The following ERMP1 variants were observed in gnomAD, a reference collection of about 807,000 sequenced individuals.
ERMP1 encodes the protein Felix-ina.
ERMP1 carries 86 observed loss-of-function variants against 92.0 expected under a neutral mutation model. That is an observed-to-expected ratio of 0.93 (90% CI 0.79 to 1.12). The LOEUF is 1.12. Among genes scored for constraint, ERMP1 ranks in the 50% most tolerant of loss-of-function variants. The pLI, the probability that ERMP1 is intolerant of heterozygous loss-of-function variation, is 0.00. For synonymous variants in ERMP1, 530 were observed against 412.8 expected, an observed-to-expected ratio of 1.28 and a Z score of -3.44; for missense variants, 1,342 against 1,116.3, an observed-to-expected ratio of 1.20 and a Z score of -2.88.
Position 5,786,790 on chromosome 9 carries a change from C to G in ERMP1, c.*354G>C, listed in dbSNP as rs1207559896. The G allele has an allele frequency of 5.8e-6, 1 of 171,908 alleles. No individual in the cohort carries two copies. Among genetic ancestry groups the G allele is most frequent in the Non-Finnish European group, 1.3e-5 (1 of 79,808 alleles). 10.6% of individuals were successfully genotyped at this position (171,908 alleles called of 1,614,324 possible). A position where few individuals can be genotyped will look rare whatever the true frequency, so the allele number is the denominator to read the frequency against. On this transcript the variant is annotated 3_prime_UTR_variant, in exon 15 of 15. Transcript: ENST00000339450. ...CTTAAATTGGAAACAACTTTTGTCTCATTAACAATGCTCTGACAGTGTACA... is the reference window on the plus strand; with the variant it reads ...CTTAAATTGGAAACAACTTTTGTCTGATTAACAATGCTCTGACAGTGTACA...
upstream of ERMP1, chr9:5,833,121 G>A (rs1830028762): frequency 1.7e-6 from 2 of 1,161,170 alleles, no homozygotes; most frequent in East Asian, 3.1e-5. Flanking sequence ...GCCTCCTAGT[G>A]AGCGGACGGA....
intron 11 of ERMP1, 116 bp downstream of exon 11, chr9:5,801,060 T>C (rs774655102): frequency 4.8e-6 from 5 of 1,039,476 alleles, no homozygotes; most frequent in South Asian, 3.5e-5. Flanking sequence ...AAAAGGTGAG[T>C]ATGACTAAAT....
chr9:5,865,058 G>A (rs1271531733), intron 5 of ERMP1, among the ~76,000 whole-genome samples: 3 of 152,024 alleles, frequency 2.0e-5, no homozygotes, highest in Admixed American at 6.6e-5. Context: ...TTAGAAATGC[G>A]GTAGTAAATT....
In ERMP1 at chr9:5,832,892, C is replaced by T; in HGVS notation, c.136G>A (p.Gly46Ser). Residue 46 changes from glycine to serine, a missense_variant, in exon 1 of 15, where the codon GGC becomes AGC. Coordinates refer to ENST00000339450, the MANE Select transcript of ERMP1 (RefSeq NM_024896.3). ...GGGCTCCTCTTCCGCGTCCTCCCGC[C>T]GCCGCTGCACCCATCCACCAGAGGC... ...QEPLVDGCSG[G>S]GRTRKRSPGG... 4 of 1,542,642 alleles carry T rather than the reference C, an allele frequency of 2.6e-6. No homozygotes were observed. The highest frequency in any genetic ancestry group is 3.5e-6 in the Non-Finnish European group (4 of 1,155,116).
In ERMP1 at chr9:5,787,028, T is replaced by A; in HGVS notation, c.*116A>T. ...AAAAGCGTTAACCCAGAAAGCTCTT[T>A]GAACATATGATCATTAAAATTCATT... On this transcript the variant is annotated 3_prime_UTR_variant, in exon 15 of 15. Transcript: ENST00000339450. 1 of 1,096,910 alleles carries A rather than the reference T, an allele frequency of 9.1e-7. No homozygotes were observed. The highest frequency in any genetic ancestry group is 1.3e-6 in the Non-Finnish European group (1 of 775,672). 67.9% of individuals were successfully genotyped at this position (1,096,910 alleles called of 1,614,324 possible).
chr9:5,814,043 G>A (rs1357013566), intron 4 of ERMP1, among the ~76,000 whole-genome samples: 1 of 152,072 alleles, frequency 6.6e-6, no homozygotes, highest in African/African-American at 2.4e-5. Flanking sequence ...TGCAGGCGTG[G>A]CTACATGACT....
In ERMP1 at chr9:5,811,203, T is replaced by G. The variant is rs532414900; in HGVS notation, c.1235A>C (p.Tyr412Ser). Reference sequence around the variant, plus strand: ...TATGATTGAGCCAATACGAGAGGGGTAGGCAATGACAAACAGGCCCAGCAC... The same window carrying G: ...TATGATTGAGCCAATACGAGAGGGGGAGGCAATGACAAACAGGCCCAGCAC... ...FDVLGLFVIAYPSRIGSIINY... is the reference protein window; with the variant it reads ...FDVLGLFVIASPSRIGSIINY... The change falls in exon 7 of 15, where the codon TAC (tyrosine) becomes TCC (serine). Residue 412 changes from tyrosine (Y) to serine (S), a missense_variant. By Grantham distance (144) the Tyr-to-Ser change is moderately radical. Transcript: ENST00000339450. 4 of 1,613,432 alleles carry G rather than the reference T, an allele frequency of 2.5e-6. No homozygotes were observed. Among genetic ancestry groups the G allele is most frequent in the Non-Finnish European group, 3.4e-6 (4 of 1,179,884 alleles).
upstream of ERMP1, among the ~76,000 whole-genome samples, chr9:5,834,450 AT>A (rs1254909757): frequency 1.3e-5 from 2 of 152,230 alleles, no homozygotes; most frequent in Non-Finnish European, 2.9e-5. Flanking sequence ...TTTACTCACC[AT>A]TTTATTCCTT....
Position 5,805,756 on chromosome 9 carries a change from T to A in ERMP1, c.1578A>T (p.Val526=). The A allele has an allele frequency of 6.2e-7, 1 of 1,610,088 alleles. No homozygotes were observed. The highest frequency in any genetic ancestry group is 8.5e-7 in the Non-Finnish European group (1 of 1,178,706). ...MNASAQYLGE[V]FFDISLFVHC... ...GGACAAACAGCGAAATGTCAAAAAA[T>A]ACTTCTCCCAGATACTGGGCACTGG... is the stretch of plus-strand genomic sequence containing the variant. Residue 526 remains valine, a synonymous_variant, in exon 9 of 15, where the codon GTA becomes GTT. Transcript: ENST00000339450.
chr9:5,836,425 A>G (rs1484808731), upstream of ERMP1, among the ~76,000 whole-genome samples: 1 of 152,218 alleles, frequency 6.6e-6, no homozygotes, highest in Admixed American at 6.5e-5. Flanking sequence ...AGCCCAAACC[A>G]GTTGCAGAAA....
At chr9:5,819,677 C>G (rs183421315) in intron 4 of ERMP1, among the ~76,000 whole-genome samples, 7 of 152,214 alleles carry the variant, frequency 4.6e-5, no homozygotes, top group Non-Finnish European at 7.3e-5. Flanking sequence ...TACTGCAACA[C>G]CCATTACTAA....
chr9:5,862,986 T>C (rs535818914), intron 5 of ERMP1, among the ~76,000 whole-genome samples: 1 of 152,262 alleles, frequency 6.6e-6, no homozygotes, highest in South Asian at 2.1e-4. Flanking sequence ...AAACATCTGT[T>C]TGTGGTAGTG....
At chr9:5,857,847 T>G (rs1053586579) in intron 6 of ERMP1, among the ~76,000 whole-genome samples, 1 of 152,250 alleles carries the variant, frequency 6.6e-6, no homozygotes, top group Non-Finnish European at 1.5e-5. Flanking sequence ...ATAAGCTATG[T>G]TCTGTGAGGT....
intron 2 of ERMP1, among the ~76,000 whole-genome samples, chr9:5,828,949 A>G (rs1255490623): frequency 6.6e-6 from 1 of 152,086 alleles, no homozygotes; most frequent in East Asian, 1.9e-4. Context: ...ATGGACATAA[A>G]AAAACCACTG....
At chr9:5,800,516 A>G (rs1315827857) in intron 11 of ERMP1, among the ~76,000 whole-genome samples, 1 of 152,138 alleles carries the variant, frequency 6.6e-6, no homozygotes, top group East Asian at 1.9e-4. Context: ...TCTCCACTAA[A>G]AATACAAAAA....
rs778430803 is a variant in ERMP1 at position 5,832,727 on chromosome 9, C to G, written c.301G>C (p.Ala101Pro). The change falls in exon 1 of 15, where the codon GCT becomes CCT. Residue 101 changes from alanine to proline, a missense_variant. By Grantham distance (27) the Ala-to-Pro change is conservative. Transcript: ENST00000339450. ...SLQQLVLRGAAGHRGEFDALQ... is the reference protein window; with the variant it reads ...SLQQLVLRGAPGHRGEFDALQ... ...GCGTCGAACTCCCCGCGGTGTCCAG[C>G]GGCCCCGCGTAGCACGAGCTGCTGC... 2.0e-6 allele frequency: 3 copies of G among 1,493,458 alleles called. No homozygotes were observed. The African/African-American group carries it at 4.4e-5, about 22-fold the overall frequency. 92.5% of individuals were successfully genotyped at this position (1,493,458 alleles called of 1,614,324 possible). A position where few individuals can be genotyped will look rare whatever the true frequency, so the allele number is the denominator to read the frequency against.
intron 4 of ERMP1, among the ~76,000 whole-genome samples, chr9:5,813,354 T>C (rs577120700): frequency 6.6e-6 from 1 of 152,198 alleles, no homozygotes; most frequent in Non-Finnish European, 1.5e-5. Flanking sequence ...CTTACTAATG[T>C]AGAATTGTGT....
chr9:5,822,084 T>C (rs943448142), intron 4 of ERMP1, among the ~76,000 whole-genome samples: 1 of 151,536 alleles, frequency 6.6e-6, no homozygotes, highest in Non-Finnish European at 1.5e-5. Flanking sequence ...CCAAACCCCA[T>C]CTCTACAAAA....
At chr9:5,859,799 T>G (rs533160477) in intron 5 of ERMP1, among the ~76,000 whole-genome samples, 2 of 152,312 alleles carry the variant, frequency 1.3e-5, no homozygotes, top group African/African-American at 4.8e-5. Context: ...ATTTACTGAG[T>G]GACTGCTATT....
Sources: gnomAD v4.1 joint callset for allele counts (sites outside exome capture counted in the v4.1 genomes callset) on GRCh38, gnomAD v4.1.1 for gene constraint, MANE v1.5 for transcripts, NCBI Gene and HGNC (gene_info 2026-07-23, HGNC 2026-07-21) for gene names.